SAMM50: variants seen among roughly 807,000 people sequenced by gnomAD.
The protein encoded by SAMM50 is SAMM50 sorting and assembly machinery component.
In SAMM50, 47 loss-of-function variants were observed where a neutral mutation model predicts 66.9. The observed-to-expected ratio is 0.70, with a 90% CI of 0.56 to 0.90. The LOEUF is 0.90. Among genes scored for constraint, SAMM50 ranks in the 40% least tolerant of loss-of-function variants. The pLI is 0.00. For synonymous variants in SAMM50, 191 were observed against 214.1 expected (o/e 0.89, Z 0.94); for missense variants, 535 against 595.3 (o/e 0.90, Z 1.05).
At chr22:43,959,327 T>C (rs1416996714) in intron 1 of SAMM50, among the ~76,000 whole-genome samples, 1 of 152,028 alleles carries the variant, frequency 6.6e-6, no homozygotes, top group Admixed American at 6.6e-5. Context: ...CCTGTTGTTA[T>C]ATTTTCTCTT....
At chr22:43,991,882 G>A (rs1438210053) in intron 14 of SAMM50, among the ~76,000 whole-genome samples, 5 of 152,104 alleles carry the variant, frequency 3.3e-5, no homozygotes, top group Admixed American at 6.5e-5. Context: ...CCCCATCTTC[G>A]TTACCTCGTC....
intron 3 of SAMM50, among the ~76,000 whole-genome samples, chr22:43,966,965 C>T (rs1052292099): frequency 1.3e-5 from 2 of 152,132 alleles, no homozygotes; most frequent in South Asian, 4.1e-4. Context: ...ATGCACCTGT[C>T]CTGCTTTGTT....
rs1335313358 is a variant in SAMM50, at chr22:43,984,434, T to C, written c.1075+434T>C. On this transcript the variant is annotated intron_variant, in intron 12 of 14. Transcript: ENST00000350028. ...TTCAAATGATTCTCCTGCCTCAGCC[T>C]CCCAAGTAGCTGGGATTACAGGCAC... is the stretch of plus-strand genomic sequence containing the variant. Among the ~76,000 whole-genome samples, 43 of 135,630 alleles carry C rather than the reference T, an allele frequency of 3.2e-4. No individual in the cohort carries two copies. In the Middle Eastern group the frequency reaches 0.019, roughly 60 times the overall value. 89.0% of individuals were successfully genotyped at this position (135,630 alleles called of 152,430 possible).
intron 12 of SAMM50, chr22:43,987,280 C>G (rs1461550302): frequency 6.6e-6 from 1 of 152,104 alleles, no homozygotes; most frequent in Admixed American, 6.5e-5. Flanking sequence ...AACTGGAAAC[C>G]GAAATGCCCA....
chr22:43,956,573 A>G (rs1603418317), intron 1 of SAMM50, among the ~76,000 whole-genome samples: 2 of 152,360 alleles, frequency 1.3e-5, no homozygotes, highest in Non-Finnish European at 2.9e-5. Context: ...AGTGGGTTGC[A>G]GCAGAGAAAG....
At chr22:43,960,599 C>T (rs540619894) in intron 1 of SAMM50, among the ~76,000 whole-genome samples, 6 of 152,208 alleles carry the variant, frequency 3.9e-5, no homozygotes, top group Admixed American at 1.3e-4. Flanking sequence ...TATAGTGGCA[C>T]GCACCTGTAA....
chr22:43,976,324 C>A, intron 8 of SAMM50, 141 bp downstream of exon 8: 1 of 950,114 alleles, frequency 1.1e-6, no homozygotes. Flanking sequence ...CCCCACTCCC[C>A]GAGGGCTTGT....
intron 1 of SAMM50, among the ~76,000 whole-genome samples, chr22:43,957,507 C>A (rs1283108114): frequency 6.6e-6 from 1 of 152,154 alleles, no homozygotes; most frequent in African/African-American, 2.4e-5. Context: ...ACTGCAACCT[C>A]CGCCTCCCAG....
Position 43,957,102 on chromosome 22 carries a change from G to C in SAMM50, c.21+1504G>C, listed in dbSNP as rs2050123495. 1.6e-5 allele frequency: 16 copies of C among 970,962 alleles called. 1 individual carries two copies. The South Asian group carries it at 2.1e-4, about 13-fold the overall frequency. 60.1% of individuals were successfully genotyped at this position (970,962 alleles called of 1,614,324 possible). The stretch of plus-strand genomic sequence containing the variant: ...TCTCCGGAACCAAAGGGAGCACACA[G>C]CTCTTCTTAAAATTGAAGGTGTTTA... On this transcript the variant is annotated intron_variant, in intron 1 of 14. Transcript: ENST00000350028.
chr22:43,957,002 G>C, intron 1 of SAMM50: 1 of 717,284 alleles, frequency 1.4e-6, no homozygotes, highest in Non-Finnish European at 2.5e-6. Context: ...GCGGCCTGCC[G>C]GGAGCAGGAC....
At chr22:43,981,056 C>G (rs991657388) in intron 10 of SAMM50, among the ~76,000 whole-genome samples, 2 of 152,238 alleles carry the variant, frequency 1.3e-5, no homozygotes, top group African/African-American at 4.8e-5. Flanking sequence ...GGGGGCCTGG[C>G]TCCCTCCTCT....
intron 10 of SAMM50, among the ~76,000 whole-genome samples, chr22:43,980,120 C>CCACACACA: frequency 8.2e-6 from 1 of 122,396 alleles, no homozygotes; most frequent in African/African-American, 3.0e-5. Flanking sequence ...ATCCACCCAC[C>CCACACACA]CACCTACCCA....
chr22:43,972,519 G>T (rs1268863561), intron 5 of SAMM50, among the ~76,000 whole-genome samples, 177 bp downstream of exon 5: 1 of 152,096 alleles, frequency 6.6e-6, no homozygotes, highest in East Asian at 1.9e-4. Context: ...ATATGTTTTG[G>T]GTTGTTTGAT....
At chr22:43,958,628 G>A (rs2050132332) in intron 1 of SAMM50, among the ~76,000 whole-genome samples, 1 of 151,898 alleles carries the variant, frequency 6.6e-6, no homozygotes, top group Non-Finnish European at 1.5e-5. Flanking sequence ...ACAGGCGTGT[G>A]CCATCACACC....
chr22:43,990,940 T>C (rs2146828614), intron 14 of SAMM50, among the ~76,000 whole-genome samples: 2 of 152,198 alleles, frequency 1.3e-5, no homozygotes, highest in South Asian at 4.1e-4. Context: ...AGTTACACAG[T>C]TATATAAACA....
chr22:43,992,396 C>T (rs1569037029), intron 14 of SAMM50, among the ~76,000 whole-genome samples: 1 of 152,264 alleles, frequency 6.6e-6, no homozygotes, highest in Admixed American at 6.5e-5. Context: ...GGCTGCCAGG[C>T]TGCTGCGGCT....
rs58022542 is a variant in SAMM50 at position 43,962,881 on chromosome 22, ATTTTTTTTTTTT to A, written c.22-383_22-372del. ...GATTTGTGCGTGACCCTTTTGGTTA[ATTTTTTTTTTTT>A]TTTTTTTTTTTTTTTTTTTTTAGAG... On this transcript the variant is annotated intron_variant, in intron 1 of 14. Coordinates refer to ENST00000350028, the MANE Select transcript of SAMM50 (RefSeq NM_015380.5). Among the ~76,000 whole-genome samples the A allele has an allele frequency of 4.4e-4, 29 of 65,510 alleles. 1 individual carries two copies. Among genetic ancestry groups the A allele is most frequent in the African/African-American group, 1.5e-3 (21 of 14,164 alleles). 43.0% of individuals were successfully genotyped at this position (65,510 alleles called of 152,430 possible).
chr22:43,986,948 A>T (rs1169867721), intron 12 of SAMM50: 1 of 152,222 alleles, frequency 6.6e-6, no homozygotes, highest in Non-Finnish European at 1.5e-5. Context: ...AGTATAGATT[A>T]TTTCTTTTCA....
chr22:43,980,769 C>T (rs970863541), intron 10 of SAMM50, among the ~76,000 whole-genome samples: 22 of 152,178 alleles, frequency 1.4e-4, no homozygotes, highest in African/African-American at 3.6e-4. Context: ...CTCGGCCAGC[C>T]GCCCGAAAAC....
Sources: allele counts gnomAD v4.1 joint callset (sites outside exome capture counted in the v4.1 genomes callset), GRCh38; gene constraint gnomAD v4.1.1; transcripts MANE v1.5; gene names NCBI Gene and HGNC (gene_info 2026-07-23, HGNC 2026-07-21).